The following TXNRD2 variants were observed in gnomAD, a reference collection of about 807,000 sequenced individuals.
TXNRD2 encodes thioredoxin reductase 2.
TXNRD2 carries 67 observed loss-of-function variants against 70.8 expected under a neutral mutation model. The ratio of observed to expected loss-of-function variants is 0.95; its 90% CI spans 0.78 to 1.16. The LOEUF (loss-of-function observed/expected upper bound fraction) is 1.16, where lower values mean the gene tolerates loss of function less well. TXNRD2 is among the 50% of genes most tolerant of loss of function. The pLI, the probability that TXNRD2 is intolerant of heterozygous loss-of-function variation, is 0.00. For synonymous variants in TXNRD2, 301 were observed against 295.8 expected, an observed-to-expected ratio of 1.02 and a Z score of -0.18; for missense variants, 644 against 719.9, an observed-to-expected ratio of 0.89 and a Z score of 1.21.
At chr22:19,912,604 A>G (rs1601443259) in intron 7 of TXNRD2, among the ~76,000 whole-genome samples, 2 of 152,172 alleles carry the variant, frequency 1.3e-5, no homozygotes, top group Admixed American at 1.3e-4. Context: ...TTTAAGCAGA[A>G]CCACCATGAG....
intron 2 of TXNRD2, among the ~76,000 whole-genome samples, chr22:19,929,243 C>T (rs1393215275): frequency 4.7e-5 from 7 of 149,940 alleles, no homozygotes; most frequent in African/African-American, 1.5e-4. Context: ...AGGAGAATGG[C>T]GTGAACCCGG....
At chr22:19,913,869 T>C (rs1421705064) in intron 7 of TXNRD2, among the ~76,000 whole-genome samples, 2 of 152,150 alleles carry the variant, frequency 1.3e-5, no homozygotes, top group Non-Finnish European at 2.9e-5. Flanking sequence ...GGAGAGTTCT[T>C]AGTTTAGGGA....
chr22:19,904,333 G>C (rs767027499), intron 8 of TXNRD2, among the ~76,000 whole-genome samples: 1 of 152,252 alleles, frequency 6.6e-6, no homozygotes, highest in Non-Finnish European at 1.5e-5. Flanking sequence ...GCCAGCATAT[G>C]GCTGTTTAGT....
chr22:19,880,952 A>G, intron 12 of TXNRD2: 1 of 591,942 alleles, frequency 1.7e-6, no homozygotes, highest in Non-Finnish European at 3.0e-6. Context: ...TGCCCTGGGA[A>G]AGGAGTCCGC....
chr22:19,924,761 G>A (rs1316093631), intron 2 of TXNRD2, among the ~76,000 whole-genome samples: 2 of 152,132 alleles, frequency 1.3e-5, no homozygotes, highest in African/African-American at 2.4e-5. Context: ...AATGAAAAGA[G>A]CATCAGTAGG....
chr22:19,895,622 C>T (rs766661846), intron 10 of TXNRD2, 41 bp from the exon 11 acceptor site: 10 of 1,602,134 alleles, frequency 6.2e-6, no homozygotes, highest in African/African-American at 2.7e-5. Flanking sequence ...ACCAGGTGGC[C>T]GTGGGAGAGA....
Position 19,877,079 on chromosome 22 carries a change from T to C in TXNRD2, c.*26A>G. ...CGAGGAGCTGGCGGCGGGCGCACCG[T>C]GTGCCCTGGCCTGCAGGGATGGCGC... On this transcript the variant is annotated 3_prime_UTR_variant, in exon 17 of 18. Transcript: ENST00000400521. 1 of 1,580,660 alleles carries C rather than the reference T, an allele frequency of 6.3e-7. No individual in the cohort carries two copies. Among genetic ancestry groups the C allele is most frequent in the Non-Finnish European group, 8.7e-7 (1 of 1,154,722 alleles).
intron 1 of TXNRD2, among the ~76,000 whole-genome samples, chr22:19,940,278 C>T (rs371778213): frequency 2.5e-5 from 3 of 119,522 alleles, no homozygotes; most frequent in East Asian, 5.0e-4. Context: ...CCCAAAAAAA[C>T]AACTCATATG....
intron 11 of TXNRD2, among the ~76,000 whole-genome samples, chr22:19,892,718 G>C (rs1461626941): frequency 2.0e-5 from 3 of 152,214 alleles, no homozygotes; most frequent in Non-Finnish European, 4.4e-5. Flanking sequence ...TCAGCAGACA[G>C]AGGAGGAGGG....
chr22:19,911,038 G>C, intron 8 of TXNRD2: 1 of 363,358 alleles, frequency 2.8e-6, no homozygotes, highest in South Asian at 2.2e-5. Flanking sequence ...TTGGGCCATT[G>C]CAATTCAGTT....
chr22:19,901,662 A>C (rs1184604729), intron 8 of TXNRD2, among the ~76,000 whole-genome samples: 1 of 152,226 alleles, frequency 6.6e-6, no homozygotes, highest in Non-Finnish European at 1.5e-5. Context: ...CGAGCAAAAT[A>C]AGACAGACAC....
rs371533709 is a variant in TXNRD2, at chr22:19,880,697, G to A, written c.1107C>T (p.Pro369=). ...GGAGCCTCCCGGCCATGATCGCTAT[G>A]GGTGTCAGCTCAGGCCGCCCCTTGG... is the stretch of plus-strand genomic sequence containing the variant. ...DVVEGRPELT[P]IAIMAGRLLV... Residue 369 remains proline, a synonymous_variant, in exon 13 of 18, where the codon CCC becomes CCT. Coordinates refer to ENST00000400521, the MANE Select transcript of TXNRD2 (RefSeq NM_006440.5). The A allele has an allele frequency of 3.7e-6, 6 of 1,612,948 alleles. No individual in the cohort carries two copies. Among genetic ancestry groups the A allele is most frequent in the Non-Finnish European group, 4.2e-6 (5 of 1,179,970 alleles).
At chr22:19,897,221 G>A (rs1939549246) in intron 10 of TXNRD2, among the ~76,000 whole-genome samples, 1 of 152,106 alleles carries the variant, frequency 6.6e-6, no homozygotes, top group African/African-American at 2.4e-5. Flanking sequence ...CCTGGGGGTG[G>A]CACTGGGAGT....
At chr22:19,908,997 G>A (rs1213685195) in intron 8 of TXNRD2, among the ~76,000 whole-genome samples, 1 of 152,128 alleles carries the variant, frequency 6.6e-6, no homozygotes, top group Non-Finnish European at 1.5e-5. Context: ...CTGAGGTCAG[G>A]AGTTTGAGAC....
chr22:19,905,815 G>A (rs769858978), intron 8 of TXNRD2, among the ~76,000 whole-genome samples: 5 of 151,700 alleles, frequency 3.3e-5, no homozygotes, highest in South Asian at 2.1e-4. Flanking sequence ...ACTGGGGCCC[G>A]GGCAACCCAT....
chr22:19,891,934 A>G (rs1939279551), intron 11 of TXNRD2, among the ~76,000 whole-genome samples: 1 of 152,244 alleles, frequency 6.6e-6, no homozygotes, highest in Admixed American at 6.5e-5. Flanking sequence ...CGCAATGCCA[A>G]TGTCCATGGT....
At chr22:19,881,101 C>G (rs1938754201) in intron 12 of TXNRD2, 1 of 461,362 alleles carries the variant, frequency 2.2e-6, no homozygotes, top group Non-Finnish European at 3.8e-6. Flanking sequence ...CACTGGAATC[C>G]CCGGCTAAAA....
rs77637361 is a variant in TXNRD2, at chr22:19,876,096, C to T, written c.*66-289G>A. On this transcript the variant is annotated intron_variant, in intron 17 of 17. Coordinates refer to ENST00000400521, the MANE Select transcript of TXNRD2 (RefSeq NM_006440.5). Reference sequence around the variant, plus strand: ...GCCCTTTGTTTATCCCTATCGAGCGCGGCCCCGCCGGGGGGAGGCGGCCAC... The same window carrying T: ...GCCCTTTGTTTATCCCTATCGAGCGTGGCCCCGCCGGGGGGAGGCGGCCAC... 374 of 152,544 alleles carry T rather than the reference C, an allele frequency of 2.5e-3. 2 individuals are homozygous for T. The highest frequency in any genetic ancestry group is 6.6e-3 in the African/African-American group (273 of 41,594). The allele number at this position is 152,544 out of a possible 1,614,324, so 9.4% of individuals were successfully genotyped here. A position where few individuals can be genotyped will look rare whatever the true frequency, so the allele number is the denominator to read the frequency against.
In TXNRD2 at chr22:19,885,228, G is replaced by A. The variant is rs1938971589; in HGVS notation, c.950-1767C>T. On this transcript the variant is annotated intron_variant, in intron 11 of 17. Coordinates refer to ENST00000400521, the MANE Select transcript of TXNRD2 (RefSeq NM_006440.5). ...TTCCCTCCCAACCCCAGGTGCTCTC[G>A]GCTCCCAGGGGCTCAGGATGATCCA... Among the ~76,000 whole-genome samples the A allele has an allele frequency of 2.0e-5, 3 of 152,190 alleles. No homozygotes were observed. The South Asian group carries it at 6.2e-4, about 32-fold the overall frequency.
Sources: allele counts gnomAD v4.1 joint callset (sites outside exome capture counted in the v4.1 genomes callset), GRCh38; gene constraint gnomAD v4.1.1; transcripts MANE v1.5; gene names NCBI Gene and HGNC (gene_info 2026-07-23, HGNC 2026-07-21).